The following LRGUK variants were observed in gnomAD, a reference collection of about 807,000 sequenced individuals.
The protein encoded by LRGUK is leucine-rich repeat and guanylate kinase domain-containing protein.
LRGUK carries 65 observed loss-of-function variants against 76.0 expected under a neutral mutation model. That is an observed-to-expected ratio of 0.85 (90% CI 0.70 to 1.05). The LOEUF (loss-of-function observed/expected upper bound fraction) is 1.05. Ranked by LOEUF, LRGUK falls within the 50% of genes least tolerant of loss-of-function variation. The pLI is 0.00. For missense variants in LRGUK, 758 were observed against 732.8 expected, an observed-to-expected ratio of 1.03 and a Z score of -0.40; for synonymous variants, 268 against 265.6, an observed-to-expected ratio of 1.01 and a Z score of -0.09.
At chr7:134,130,293 C>T (rs1057347346) in intron 1 of LRGUK, among the ~76,000 whole-genome samples, 28 of 152,184 alleles carry the variant, frequency 1.8e-4, no homozygotes, top group Admixed American at 1.4e-3. Flanking sequence ...AGCTTCCCCC[C>T]CCCCCCAGAG....
At chr7:134,222,943 T>C (rs576946225) in intron 16 of LRGUK, among the ~76,000 whole-genome samples, 1 of 152,248 alleles carries the variant, frequency 6.6e-6, no homozygotes, top group East Asian at 1.9e-4. Flanking sequence ...GTCAGAACCA[T>C]TGGCAGTGTT....
At chr7:134,152,115 A>G (rs1798245619) in intron 5 of LRGUK, among the ~76,000 whole-genome samples, 1 of 152,088 alleles carries the variant, frequency 6.6e-6, no homozygotes, top group Non-Finnish European at 1.5e-5. Context: ...TTTGCAAATG[A>G]CATGTTTATC....
chr7:134,275,915 GT>G, the LRGUK span, among the ~76,000 whole-genome samples: 3 of 152,316 alleles, frequency 2.0e-5, no homozygotes, highest in African/African-American at 7.2e-5. Context: ...AAAGAAAAAT[GT>G]TTAATATATC....
At chr7:134,201,298 C>A (rs1257201938) in intron 14 of LRGUK, among the ~76,000 whole-genome samples, 183 bp from the exon 15 acceptor site, 1 of 152,062 alleles carries the variant, frequency 6.6e-6, no homozygotes, top group Admixed American at 6.5e-5. Context: ...CAGGTTCTGC[C>A]CACACTTAAG....
At chr7:134,186,584 C>T (rs1353091118) in intron 11 of LRGUK, among the ~76,000 whole-genome samples, 1 of 152,182 alleles carries the variant, frequency 6.6e-6, no homozygotes, top group Non-Finnish European at 1.5e-5. Context: ...TAATAAGAAG[C>T]ATGGGTGATC....
intron 19 of LRGUK, among the ~76,000 whole-genome samples, chr7:134,259,891 T>C (rs945741470): frequency 6.6e-6 from 1 of 152,164 alleles, no homozygotes; most frequent in Non-Finnish European, 1.5e-5. Context: ...TAGCTTCTCA[T>C]AGGACAGTGT....
rs187228568 is a variant in LRGUK at position 134,259,870 on chromosome 7, C to T, written c.2347+1465C>T. On this transcript the variant is annotated intron_variant, in intron 19 of 19. Coordinates refer to the LRGUK transcript ENST00000285928. ...CTAGACCAAACATAGCACCAAGGCTCATCATAGTTCTAGCTTCTCATAGGA... is the reference window on the plus strand; with the variant it reads ...CTAGACCAAACATAGCACCAAGGCTTATCATAGTTCTAGCTTCTCATAGGA... 1.1e-4 allele frequency among the ~76,000 whole-genome samples: 16 copies of T among 152,282 alleles called. No individual in the cohort carries two copies. The East Asian group carries it at 3.1e-3, about 29-fold the overall frequency.
chr7:134,186,387 C>A (rs1799980191), intron 11 of LRGUK, among the ~76,000 whole-genome samples: 1 of 152,194 alleles, frequency 6.6e-6, no homozygotes, highest in African/African-American at 2.4e-5. Context: ...GCTTTCCCTG[C>A]TTGTCTGTAG....
At chr7:134,232,514 G>A (rs1252134175) in intron 16 of LRGUK, among the ~76,000 whole-genome samples, 1 of 152,016 alleles carries the variant, frequency 6.6e-6, no homozygotes, top group Non-Finnish European at 1.5e-5. Context: ...TCCTGACCTC[G>A]TGATCTGCCC....
chr7:134,136,778 T>A (rs546821568), intron 1 of LRGUK, among the ~76,000 whole-genome samples: 1 of 152,326 alleles, frequency 6.6e-6, no homozygotes, highest in East Asian at 1.9e-4. Flanking sequence ...CAACTTTGAA[T>A]GCCTAATGCA....
At chr7:134,235,319 A>G (rs1020458496) in intron 16 of LRGUK, among the ~76,000 whole-genome samples, 8 of 151,944 alleles carry the variant, frequency 5.3e-5, no homozygotes, top group Non-Finnish European at 1.0e-4. Flanking sequence ...CCTCTAACCC[A>G]CCAGCACTCC....
exon 19 of LRGUK, chr7:134,258,349 T>G: frequency 6.2e-7 from 1 of 1,614,112 alleles, no homozygotes; most frequent in Non-Finnish European, 8.5e-7. Flanking sequence ...GAGGGGAGCA[T>G]TTCTTCACAC....
At chr7:134,127,453 C>T in exon 1 of LRGUK, 3 of 1,613,982 alleles carry the variant, frequency 1.9e-6, no homozygotes, top group Non-Finnish European at 2.5e-6. Flanking sequence ...GGAGCCCGAT[C>T]GTTACAGTTT....
At chr7:134,172,878 G>T (rs1799315609) in intron 7 of LRGUK, among the ~76,000 whole-genome samples, 1 of 152,062 alleles carries the variant, frequency 6.6e-6, no homozygotes, top group African/African-American at 2.4e-5. Flanking sequence ...CTACTCGGGG[G>T]TCGGGGGCTG....
chr7:134,263,774 C>G, intron 19 of LRGUK, 71 bp from the exon 20 acceptor site: 1 of 1,407,892 alleles, frequency 7.1e-7, no homozygotes, highest in Non-Finnish European at 9.6e-7. Context: ...GTGCTTATAT[C>G]ATGCAACACT....
chr7:134,260,412 G>A (rs530723697), intron 19 of LRGUK, among the ~76,000 whole-genome samples: 1 of 152,124 alleles, frequency 6.6e-6, no homozygotes, highest in Non-Finnish European at 1.5e-5. Context: ...TTTTCTGTTT[G>A]TTTGTATGCC....
At chr7:134,206,399 C>G (rs889209415) in intron 15 of LRGUK, among the ~76,000 whole-genome samples, 1 of 152,012 alleles carries the variant, frequency 6.6e-6, no homozygotes, top group African/African-American at 2.4e-5. Context: ...CCTGTAATCC[C>G]GGCTACTCGG....
chr7:134,167,197 C>T (rs995544462), intron 7 of LRGUK, among the ~76,000 whole-genome samples: 1 of 152,192 alleles, frequency 6.6e-6, no homozygotes, highest in Non-Finnish European at 1.5e-5. Flanking sequence ...AAAGGTGATG[C>T]CCAAGGCAGG....
At chr7:134,234,769 CT>C (rs1193666237) in intron 16 of LRGUK, among the ~76,000 whole-genome samples, 1 of 151,866 alleles carries the variant, frequency 6.6e-6, no homozygotes, top group African/African-American at 2.4e-5. Flanking sequence ...CTTCCCTTCT[CT>C]CCTTTTTCCT....
Sources: gnomAD v4.1 joint callset for allele counts (sites outside exome capture counted in the v4.1 genomes callset) on GRCh38, gnomAD v4.1.1 for gene constraint, MANE v1.5 for transcripts, NCBI Gene and HGNC (gene_info 2026-07-23, HGNC 2026-07-21) for gene names.